The following BMPR1B variants were observed in gnomAD, a reference collection of about 807,000 sequenced individuals.
The protein encoded by BMPR1B is bone morphogenetic protein receptor type 1B, also known as bone morphogenetic protein receptor type-1B.
BMPR1B carries 12 observed loss-of-function variants against 59.1 expected under a neutral mutation model. That is an observed-to-expected ratio of 0.20 (90% CI 0.13 to 0.33). BMPR1B has a LOEUF of 0.33. BMPR1B is among the 10% of genes least tolerant of loss of function. BMPR1B has a pLI of 1.00. For missense variants in BMPR1B, 550 were observed against 610.9 expected (o/e 0.90, Z 1.05); for synonymous variants, 237 against 207.3 (o/e 1.14, Z -1.23).
intron 2 of BMPR1B, among the ~76,000 whole-genome samples, chr4:94,966,764 T>C (rs1730571329): frequency 6.6e-6 from 1 of 152,198 alleles, no homozygotes; most frequent in African/African-American, 2.4e-5. Context: ...TTTTACTGGC[T>C]TTAATTTAAA....
intron 3 of BMPR1B, among the ~76,000 whole-genome samples, chr4:95,036,922 A>C (rs777404845): frequency 5.9e-5 from 9 of 152,054 alleles, no homozygotes; most frequent in African/African-American, 9.7e-5. Flanking sequence ...CCACGTTGTC[A>C]ACCCTAGATC....
intron 10 of BMPR1B, among the ~76,000 whole-genome samples, chr4:95,139,729 G>A (rs549832121): frequency 1.8e-3 from 277 of 152,226 alleles, no homozygotes; most frequent in African/African-American, 5.9e-3. Context: ...TGGGACCCTC[G>A]GAGCCATGCG....
chr4:94,884,070 A>G (rs1187541742), intron 2 of BMPR1B, among the ~76,000 whole-genome samples: 1 of 152,144 alleles, frequency 6.6e-6, no homozygotes, highest in African/African-American at 2.4e-5. Context: ...TCTGACTCTA[A>G]TCTGCTTCAT....
chr4:94,984,574 C>T (rs1180946580), intron 2 of BMPR1B, among the ~76,000 whole-genome samples: 1 of 152,082 alleles, frequency 6.6e-6, no homozygotes, highest in Non-Finnish European at 1.5e-5. Flanking sequence ...ATAATTTTAC[C>T]TAATAGCTAG....
chr4:94,971,717 A>T (rs1730799106), intron 2 of BMPR1B, among the ~76,000 whole-genome samples: 1 of 151,944 alleles, frequency 6.6e-6, no homozygotes, highest in Non-Finnish European at 1.5e-5. Flanking sequence ...TATAAATTTC[A>T]AGATTAATCT....
intron 8 of BMPR1B, among the ~76,000 whole-genome samples, chr4:95,127,331 A>G (rs1732980206): frequency 6.6e-6 from 1 of 152,160 alleles, no homozygotes; most frequent in African/African-American, 2.4e-5. Context: ...TCAGTTAAAA[A>G]ATTTTGAAGT....
intron 2 of BMPR1B, among the ~76,000 whole-genome samples, chr4:94,882,685 C>T (rs1727020872): frequency 6.6e-6 from 1 of 152,166 alleles, no homozygotes; most frequent in South Asian, 2.1e-4. Flanking sequence ...GTCTGACTTA[C>T]AGTACTTTTG....
At chr4:95,000,122 T>C (rs181944383) in intron 3 of BMPR1B, among the ~76,000 whole-genome samples, 2 of 152,300 alleles carry the variant, frequency 1.3e-5, no homozygotes, top group East Asian at 1.9e-4. Context: ...GAGTGACTTA[T>C]AGTTTTCTTA....
intron 2 of BMPR1B, among the ~76,000 whole-genome samples, chr4:94,907,002 C>T (rs1031679237): frequency 2.0e-5 from 3 of 151,952 alleles, no homozygotes; most frequent in Non-Finnish European, 2.9e-5. Context: ...ATATAGATAT[C>T]TCAGAATGTT....
At position 95,094,872 on chromosome 4, in the gene BMPR1B, A is replaced by C. The variant is rs192314558; in HGVS notation, c.-17-9536A>C. On this transcript the variant is annotated intron_variant, in intron 3 of 12. Coordinates refer to ENST00000515059, the MANE Select transcript of BMPR1B (RefSeq NM_001203.3). ...TCTGATTTCTGTCTGTTGAAGGAGA[A>C]AGATTCCTGTGTAGGTAACATCACA... Among the ~76,000 whole-genome samples, 45 of 152,120 alleles carry C rather than the reference A, an allele frequency of 3.0e-4. No homozygotes were observed. The East Asian group carries it at 7.2e-3, about 24-fold the overall frequency.
chr4:94,824,026 A>G (rs573129756), intron 1 of BMPR1B, among the ~76,000 whole-genome samples: 31 of 152,334 alleles, frequency 2.0e-4, no homozygotes, highest in South Asian at 1.7e-3. Context: ...GATTACAGGC[A>G]TGAGCCACCG....
chr4:95,127,917 C>T (rs1220244354), intron 8 of BMPR1B, among the ~76,000 whole-genome samples: 2 of 151,264 alleles, frequency 1.3e-5, no homozygotes, highest in East Asian at 3.9e-4. Flanking sequence ...CAAGGTCTTA[C>T]TCTGTCACTT....
At chr4:94,958,545 C>A (rs1162894644) in intron 2 of BMPR1B, among the ~76,000 whole-genome samples, 1 of 152,110 alleles carries the variant, frequency 6.6e-6, no homozygotes, top group Non-Finnish European at 1.5e-5. Context: ...CCTTCTGTCT[C>A]CTAATCTCTT....
intron 1 of BMPR1B, among the ~76,000 whole-genome samples, chr4:94,852,418 T>G (rs2148948132): frequency 6.6e-6 from 1 of 152,222 alleles, no homozygotes; most frequent in Admixed American, 6.5e-5. Flanking sequence ...AATTAACCAG[T>G]CATTTATAGA....
rs1338084025 is a variant in BMPR1B, at chr4:94,941,485, T to G, written c.-112-54555T>G. Among the ~76,000 whole-genome samples, 3 of 152,004 alleles carry G rather than the reference T, an allele frequency of 2.0e-5. No homozygotes were observed. In the East Asian group the frequency reaches 5.8e-4, roughly 29 times the overall value. ...TTACTTTCTTTGAATGAATAAATAT[T>G]TAGCAGTTGAAAATAGTACAGTTAA... On this transcript the variant is annotated intron_variant, in intron 2 of 12. Transcript: ENST00000515059.
chr4:95,154,275 G>A (rs918656128), intron 12 of BMPR1B, among the ~76,000 whole-genome samples: 16 of 152,148 alleles, frequency 1.1e-4, no homozygotes, highest in African/African-American at 3.4e-4. Flanking sequence ...GACTCCCTGG[G>A]TATTTTTATG....
chr4:94,818,922 A>G (rs193029900), intron 1 of BMPR1B, among the ~76,000 whole-genome samples: 295 of 152,222 alleles, frequency 1.9e-3, no homozygotes, highest in Non-Finnish European at 3.4e-3. Flanking sequence ...GCTTGAGTCT[A>G]GGAGTCTGAG....
chr4:94,938,255 G>T (rs1729391188), intron 2 of BMPR1B, among the ~76,000 whole-genome samples: 1 of 152,152 alleles, frequency 6.6e-6, no homozygotes, highest in Non-Finnish European at 1.5e-5. Flanking sequence ...AGAAGTGCTT[G>T]GGAGTCTGAG....
At chr4:95,043,323 A>C (rs1322866149) in intron 3 of BMPR1B, among the ~76,000 whole-genome samples, 1 of 152,056 alleles carries the variant, frequency 6.6e-6, no homozygotes, top group Non-Finnish European at 1.5e-5. Flanking sequence ...CTAAAGATCC[A>C]TGCAAGAATC....
Sources: gnomAD v4.1 joint callset for allele counts (sites outside exome capture counted in the v4.1 genomes callset) on GRCh38, gnomAD v4.1.1 for gene constraint, MANE v1.5 for transcripts, NCBI Gene and HGNC (gene_info 2026-07-23, HGNC 2026-07-21) for gene names.